Variants in ZNF577 observed in about 807,000 individuals in gnomAD.
ZNF577 encodes zinc finger protein 577.
A neutral mutation model predicts 13.9 loss-of-function variants in ZNF577; 14 were observed. The ratio of observed to expected loss-of-function variants is 1.00; its 90% CI spans 0.66 to 1.57. The LOEUF is 1.57. Ranked by LOEUF, ZNF577 falls within the 40% of genes most tolerant of loss-of-function variation. The pLI is 0.00. For missense variants in ZNF577, 555 were observed against 579.2 expected (o/e 0.96, Z 0.43); for synonymous variants, 203 against 202.9 (o/e 1.00, Z 0.00).
chr19:51,849,891 AAAC>A (rs1484024790), intron 5 of ZNF577, among the ~76,000 whole-genome samples: 1 of 152,236 alleles, frequency 6.6e-6, no homozygotes, highest in African/African-American at 2.4e-5. Flanking sequence ...ACAAAAGAAC[AAAC>A]TACTGACATA....
intron 9 of ZNF577, among the ~76,000 whole-genome samples, chr19:51,821,942 T>A (rs1216412580): frequency 6.6e-6 from 1 of 152,208 alleles, no homozygotes; most frequent in Non-Finnish European, 1.5e-5. Context: ...AGGAAGAGTC[T>A]CTAATTTTCC....
chr19:51,815,895 G>A lies in ZNF577; in HGVS notation c.*600-4221C>T, dbSNP rs181501198. ...AAGAAAAAAGAAAAAAGAAAAAGAAGAAGAAAAAGAAAAGAAAAGAAATTA... is the reference window on the plus strand; with the variant it reads ...AAGAAAAAAGAAAAAAGAAAAAGAAAAAGAAAAAGAAAAGAAAAGAAATTA... On this transcript the variant is annotated intron_variant and NMD_transcript_variant, in intron 9 of 10. Coordinates refer to the ZNF577 transcript ENST00000638827. Among the ~76,000 whole-genome samples, 955 of 142,434 alleles carry A rather than the reference G, an allele frequency of 6.7e-3. 14 individuals carry two copies. Among genetic ancestry groups the A allele is most frequent in the African/African-American group, 0.027 (915 of 33,580 alleles). 93.4% of individuals were successfully genotyped at this position (142,434 alleles called of 152,430 possible).
intron 5 of ZNF577, among the ~76,000 whole-genome samples, chr19:51,855,399 G>A (rs192473947): frequency 4.9e-5 from 7 of 142,458 alleles, no homozygotes; most frequent in African/African-American, 1.9e-4. Flanking sequence ...GTGTGTGTGT[G>A]TGTGTGTGTC....
intron 9 of ZNF577, among the ~76,000 whole-genome samples, chr19:51,828,639 AC>A (rs2084244157): frequency 5.9e-5 from 9 of 152,196 alleles, no homozygotes; most frequent in Non-Finnish European, 8.8e-5. Context: ...GGTTCAGGAA[AC>A]TGAGATTTTT....
chr19:51,821,644 T>C (rs763283090), intron 9 of ZNF577, among the ~76,000 whole-genome samples: 5 of 152,196 alleles, frequency 3.3e-5, no homozygotes, highest in African/African-American at 7.2e-5. Context: ...TACTAGGGTA[T>C]GACCACATGC....
Position 51,873,302 on chromosome 19 carries a change from T to C in ZNF577, c.688A>G (p.Met230Val). The C allele has an allele frequency of 6.2e-7, 1 of 1,613,708 alleles. No individual in the cohort carries two copies. Among genetic ancestry groups the C allele is most frequent in the South Asian group, 1.1e-5 (1 of 91,072 alleles). The change falls in exon 6 of 6, where the codon ATG becomes GTG. Residue 230 changes from methionine to valine, a missense_variant. Met to Val is a conservative substitution (Grantham distance 21). Coordinates refer to ENST00000638348, the MANE Select transcript of ZNF577 (RefSeq NM_001370449.1). ...GKAFSRKSQL[M>V]VHQRTHTGEK... Reference sequence around the variant, plus strand: ...CCTGTATGGGTTCTCTGATGGACCATGAGCTGTGACTTTCTGGAGAAGGCT... The same window carrying C: ...CCTGTATGGGTTCTCTGATGGACCACGAGCTGTGACTTTCTGGAGAAGGCT...
At chr19:51,814,791 C>A (rs2084122541) in intron 9 of ZNF577, among the ~76,000 whole-genome samples, 1 of 151,318 alleles carries the variant, frequency 6.6e-6, no homozygotes, top group Admixed American at 6.6e-5. Flanking sequence ...CTGCACTCGG[C>A]CTAAAAACCA....
chr19:51,824,768 T>C lies in ZNF577; in HGVS notation c.*600-13094A>G, dbSNP rs1478111607. On this transcript the variant is annotated intron_variant and NMD_transcript_variant, in intron 9 of 10. Transcript: ENST00000638827. This position sits in a 1 kb window ranked among gnomAD's most constrained non-coding sequence, Gnocchi z 4.7. Reference sequence around the variant, plus strand: ...CCCAGACCAGCAACACAGACACCACTTCTGCTTCACCTCCTGAGGAGACGG... The same window carrying C: ...CCCAGACCAGCAACACAGACACCACCTCTGCTTCACCTCCTGAGGAGACGG... 1 of 1,613,838 alleles carries C rather than the reference T, an allele frequency of 6.2e-7. No homozygotes were observed. Among genetic ancestry groups the C allele is most frequent in the Non-Finnish European group, 8.5e-7 (1 of 1,179,884 alleles).
intron 9 of ZNF577, among the ~76,000 whole-genome samples, chr19:51,817,325 T>C (rs752018543): frequency 1.3e-5 from 2 of 152,166 alleles, no homozygotes; most frequent in Non-Finnish European, 2.9e-5. Context: ...GAGTCACTCA[T>C]ACTAAAGTTC....
chr19:51,843,841 C>T (rs10153485), intron 6 of ZNF577, among the ~76,000 whole-genome samples: 1 of 151,956 alleles, frequency 6.6e-6, no homozygotes, highest in Admixed American at 6.6e-5. Context: ...ATTAGTAGTG[C>T]GTTCTAAAGG....
At position 51,811,636 on chromosome 19, in the gene ZNF577, C is replaced by T. The variant is rs148906704; in HGVS notation, c.*638G>A. The T allele has an allele frequency of 1.4e-4, 21 of 152,250 alleles. No individual in the cohort carries two copies. The East Asian group carries it at 1.7e-3, about 13-fold the overall frequency. The allele number at this position is 152,250 out of a possible 1,614,324, so 9.4% of individuals were successfully genotyped here. A position where few individuals can be genotyped will look rare whatever the true frequency, so the allele number is the denominator to read the frequency against. On this transcript the variant is annotated 3_prime_UTR_variant and NMD_transcript_variant, in exon 10 of 11. Transcript: ENST00000638827. ...TAGAGCCCCTGATTCTGTCGCTGTT[C>T]GGGGCACCACTATGTAACGTGCCAT...
chr19:51,878,451 T>C lies in ZNF577; in HGVS notation c.125A>G (p.Gln42Arg). 1.2e-6 allele frequency: 2 copies of C among 1,614,148 alleles called. No individual in the cohort carries two copies. Among genetic ancestry groups the C allele is most frequent in the South Asian group, 2.2e-5 (2 of 91,076 alleles). ...TTCCTTGTACAAGACCTTCTGAGAC[T>C]GGTCCAAAAACTGCCACTCCTCCCT... ...FTREEWQFLDQSQKVLYKEVM... is the reference protein window; with the variant it reads ...FTREEWQFLDRSQKVLYKEVM... Residue 42 changes from glutamine (Q) to arginine (R), a missense_variant, in exon 4 of 6, where the codon CAG becomes CGG. Coordinates refer to ENST00000638348, the MANE Select transcript of ZNF577 (RefSeq NM_001370449.1).
At chr19:51,882,469 C>T (rs1327471174) in intron 1 of ZNF577, among the ~76,000 whole-genome samples, 1 of 139,668 alleles carries the variant, frequency 7.2e-6, no homozygotes, top group Admixed American at 7.2e-5. Flanking sequence ...TGGCAGCCAA[C>T]AGTATCCAAT....
At chr19:51,827,348 G>A (rs1393265024) in intron 9 of ZNF577, among the ~76,000 whole-genome samples, 1 of 152,130 alleles carries the variant, frequency 6.6e-6, no homozygotes, top group African/African-American at 2.4e-5. Context: ...TGCAAATGTG[G>A]TTTCACTTAT....
intron 10 of ZNF577, among the ~76,000 whole-genome samples, chr19:51,805,843 C>A (rs369387788): frequency 6.6e-6 from 1 of 152,032 alleles, no homozygotes; most frequent in Non-Finnish European, 1.5e-5. Context: ...CAATAAGTAA[C>A]CTGAAGTAGA....
rs77285176 is a variant in ZNF577, at chr19:51,831,473, G to A, written c.*599+8420C>T. ...ATCCCATTGACTCTATGTCAAAAAC[G>A]TGGACCAAATCTGTGTGTTTCTTTC... On this transcript the variant is annotated intron_variant and NMD_transcript_variant, in intron 9 of 10. Transcript: ENST00000638827. Among the ~76,000 whole-genome samples the A allele has an allele frequency of 3.6e-4, 54 of 152,080 alleles. 1 individual carries two copies. The East Asian group carries it at 9.1e-3, about 26-fold the overall frequency.
At chr19:51,876,547 G>C (rs541924848) in intron 5 of ZNF577, among the ~76,000 whole-genome samples, 3 of 152,168 alleles carry the variant, frequency 2.0e-5, no homozygotes, top group African/African-American at 7.2e-5. Context: ...GCATTGACGT[G>C]AGCTAAGGTG....
intron 9 of ZNF577, among the ~76,000 whole-genome samples, chr19:51,819,838 G>C (rs1169075402): frequency 6.6e-6 from 1 of 152,140 alleles, no homozygotes; most frequent in African/African-American, 2.4e-5. Context: ...GGAAGGGATA[G>C]GATAATGGTT....
rs1191529998 is a variant in ZNF577, at chr19:51,861,741, T to A, written c.283+15541A>T. ...CTATAGGGCCTCTTTCCTGTGTGAG[T>A]TCTCTGGTGACCAATGAGAGTTTAC... On this transcript the variant is annotated intron_variant and NMD_transcript_variant, in intron 5 of 10. Coordinates refer to the ZNF577 transcript ENST00000638827. 2.0e-5 allele frequency: 3 copies of A among 152,492 alleles called. No individual in the cohort carries two copies. The East Asian group carries it at 5.8e-4, about 29-fold the overall frequency. The allele number at this position is 152,492 out of a possible 1,614,324, so 9.4% of individuals were successfully genotyped here.
Sources: allele counts gnomAD v4.1 joint callset (sites outside exome capture counted in the v4.1 genomes callset), GRCh38; gene constraint gnomAD v4.1.1; non-coding constraint Gnocchi (gnomAD v3.1); transcripts MANE v1.5; gene names NCBI Gene and HGNC (gene_info 2026-07-23, HGNC 2026-07-21).